The following AKAP9 variants were observed in gnomAD, a reference collection of about 807,000 sequenced individuals.
The protein encoded by AKAP9 is A-kinase anchoring protein 9, also known as A-kinase anchor protein 9.
Under a neutral mutation model 488.5 loss-of-function variants are expected in AKAP9, and 311 were observed. That is an observed-to-expected ratio of 0.64 (90% CI 0.58 to 0.70). The LOEUF is 0.70. AKAP9 is among the 30% of genes least tolerant of loss of function. The pLI, the probability that AKAP9 is intolerant of heterozygous loss-of-function variation, is 0.00. For synonymous variants in AKAP9, 1,462 were observed against 1,483.5 expected, an observed-to-expected ratio of 0.99 and a Z score of 0.33; for missense variants, 4,215 against 4,374.5, an observed-to-expected ratio of 0.96 and a Z score of 1.03.
chr7:91,941,040 T>C lies in AKAP9; in HGVS notation c.-60T>C, dbSNP rs530639878. The C allele has an allele frequency of 7.1e-6, 11 of 1,545,558 alleles. 1 individual carries two copies. The Admixed American group carries it at 1.5e-4, about 21-fold the overall frequency. On this transcript the variant is annotated 5_prime_UTR_variant, in exon 1 of 50. Transcript: ENST00000356239. The stretch of plus-strand genomic sequence containing the variant: ...TCCCACCTCCGTCCAAATCGACCTT[T>C]CCTTTCTATCCCCAACCACCCCTCA...
chr7:92,041,979 G>T, intron 18 of AKAP9, 67 bp from the exon 19 acceptor site: 2 of 1,559,770 alleles, frequency 1.3e-6, no homozygotes, highest in Non-Finnish European at 1.8e-6. Context: ...AAAGAAATCT[G>T]CTTAATATTT....
chr7:92,088,165 A>G (rs1378407873), intron 37 of AKAP9, among the ~76,000 whole-genome samples: 1 of 152,186 alleles, frequency 6.6e-6, no homozygotes, highest in African/African-American at 2.4e-5. Flanking sequence ...CCTTGCAGAT[A>G]CCACCTTAAC....
At chr7:92,072,325 G>A (rs577173022) in intron 28 of AKAP9, among the ~76,000 whole-genome samples, 6 of 152,150 alleles carry the variant, frequency 3.9e-5, no homozygotes, top group Non-Finnish European at 5.9e-5. Flanking sequence ...GGAGAGAAAC[G>A]GTAAATGAGT....
chr7:92,010,047 T>C (rs1021026439), intron 8 of AKAP9, among the ~76,000 whole-genome samples: 1 of 152,136 alleles, frequency 6.6e-6, no homozygotes, highest in Non-Finnish European at 1.5e-5. Context: ...CATGCCTAGC[T>C]AAGATTTTTT....
chr7:92,107,783 G>A (rs572730276), intron 48 of AKAP9: 6 of 212,500 alleles, frequency 2.8e-5, no homozygotes, highest in South Asian at 2.1e-4. Context: ...CCCGGGAGGC[G>A]GAGCTGGCAG....
At chr7:92,046,560 T>C (rs1430028109) in intron 21 of AKAP9, among the ~76,000 whole-genome samples, 1 of 152,226 alleles carries the variant, frequency 6.6e-6, no homozygotes, top group African/African-American at 2.4e-5. Context: ...TTTTAAAAAT[T>C]GTTTTTAGTA....
At chr7:92,102,400 C>A (rs368916062) in intron 45 of AKAP9, among the ~76,000 whole-genome samples, 194 bp from the exon 46 acceptor site, 4 of 151,370 alleles carry the variant, frequency 2.6e-5, no homozygotes, top group East Asian at 3.9e-4. Context: ...GAAATTTCAA[C>A]TTTGCTGATA....
chr7:92,105,859 T>G (rs1000347936), intron 47 of AKAP9, 96 bp downstream of exon 47: 5 of 1,132,916 alleles, frequency 4.4e-6, no homozygotes, highest in Non-Finnish European at 6.6e-6. Context: ...TGTGGCCTGT[T>G]AGGAACCAGG....
rs773227815 is a variant in AKAP9 at position 91,992,159 on chromosome 7, T to C, written c.353T>C (p.Val118Ala). 12 of 1,607,618 alleles carry C rather than the reference T, an allele frequency of 7.5e-6. No homozygotes were observed. Among genetic ancestry groups the C allele is most frequent in the Non-Finnish European group, 1.0e-5 (12 of 1,174,244 alleles). ...STTADDCSSE[V>A]NGCSFVMRTG... ...TATCAGGAAATTGTTTTTATACAGG[T>C]AAATGGTTGCAGTTTTGTGATGAGA... Residue 118 changes from valine to alanine, a missense_variant and splice_region_variant, in exon 4 of 50, where the codon GTA becomes GCA. Val to Ala is a moderately conservative substitution (Grantham distance 64). Transcript: ENST00000356239.
At chr7:92,000,644 T>C (rs541483693) in intron 7 of AKAP9, among the ~76,000 whole-genome samples, 1 of 152,344 alleles carries the variant, frequency 6.6e-6, no homozygotes, top group South Asian at 2.1e-4. Flanking sequence ...AAAACTACTG[T>C]AGTGTTTGCT....
rs777896862 is a variant in AKAP9, at chr7:92,105,764, G to T, written c.11416+1G>T. 3 of 1,612,524 alleles carry T rather than the reference G, an allele frequency of 1.9e-6. No homozygotes were observed. On this transcript the variant is annotated splice_donor_variant, in intron 47 of 49. Coordinates refer to ENST00000356239, the MANE Select transcript of AKAP9 (RefSeq NM_005751.5). LOFTEE classifies it high-confidence loss of function. Reference sequence around the variant, plus strand: ...AGAGATGGCTTTGGACTGAATCAAGGTGAAGTCAAAATAGCATATTTTCTT... The same window carrying T: ...AGAGATGGCTTTGGACTGAATCAAGTTGAAGTCAAAATAGCATATTTTCTT...
chr7:91,974,755 G>A (rs1790810204), intron 2 of AKAP9, among the ~76,000 whole-genome samples: 1 of 151,770 alleles, frequency 6.6e-6, no homozygotes, highest in Non-Finnish European at 1.5e-5. Context: ...ATTTATTTAG[G>A]TTTTTAATTT....
chr7:92,070,852 G>C (rs1811618461), intron 27 of AKAP9, 53 bp from the exon 28 acceptor site: 1 of 1,264,790 alleles, frequency 7.9e-7, no homozygotes, highest in Admixed American at 2.2e-5. Flanking sequence ...AAAAAAACTG[G>C]ATAATCAGGA....
rs546024452 is a variant in AKAP9, at chr7:92,095,142, G to C, written c.9698G>C (p.Arg3233Pro). ...GAGAAAGAGAAAGCCAAGTTGGGAC[G>C]CAGTGAAGAACGGGATAAAGAAGAA... ...ALEKEKAKLG[R>P]SEERDKEELE... The change falls in exon 40 of 50, where the codon CGC (arginine) becomes CCC (proline). Residue 3233 changes from arginine to proline, a missense_variant. Physicochemically the swap from Arg to Pro is moderately radical, Grantham distance 103. Around this residue, in one of 5 missense-constraint regions of AKAP9, gnomAD observed 1,476 missense variants for 1,477.4 expected, o/e 1.00. Coordinates refer to ENST00000356239, the MANE Select transcript of AKAP9 (RefSeq NM_005751.5). 1 of 1,614,162 alleles carries C rather than the reference G, an allele frequency of 6.2e-7. No individual in the cohort carries two copies. Among genetic ancestry groups the C allele is most frequent in the Admixed American group, 1.7e-5 (1 of 60,028 alleles).
chr7:92,015,446 C>T (rs1801378066), intron 10 of AKAP9, among the ~76,000 whole-genome samples: 1 of 151,336 alleles, frequency 6.6e-6, no homozygotes, highest in African/African-American at 2.4e-5. Context: ...TTCACTGTGA[C>T]CTCTGCCTCC....
At chr7:91,941,207 A>T in intron 1 of AKAP9, 60 bp downstream of exon 1, 59 of 1,450,552 alleles carry the variant, frequency 4.1e-5, no homozygotes, top group Non-Finnish European at 5.4e-5. Flanking sequence ...ACGGGGTGGG[A>T]GGGGGCCTGG....
chr7:91,973,973 G>A lies in AKAP9; in HGVS notation c.306+5G>A. On this transcript the variant is annotated splice_donor_5th_base_variant and intron_variant, in intron 2 of 49. Coordinates refer to ENST00000356239, the MANE Select transcript of AKAP9 (RefSeq NM_005751.5). ...GAGCAGGGCTTCTCTGTGGAAGTAA[G>A]TATTCTCCCAGATTTTTAATCATTA... The A allele has an allele frequency of 6.2e-7, 1 of 1,613,844 alleles. No individual in the cohort carries two copies. The highest frequency in any genetic ancestry group is 8.5e-7 in the Non-Finnish European group (1 of 1,179,880).
rs1240345219 is a variant in AKAP9 at position 92,032,943 on chromosome 7, C to T, written c.4338+1339C>T. Among the ~76,000 whole-genome samples the T allele has an allele frequency of 4.6e-5, 7 of 152,046 alleles. 1 individual carries two copies. In the South Asian group the frequency reaches 1.0e-3, roughly 23 times the overall value. On this transcript the variant is annotated intron_variant, in intron 16 of 49. Coordinates refer to ENST00000356239, the MANE Select transcript of AKAP9 (RefSeq NM_005751.5). Reference sequence around the variant, plus strand: ...TTCTTTTGGTTTACTAGATTTGTGACCTTAGGAAAGTTACTTAACTTGTGA... The same window carrying T: ...TTCTTTTGGTTTACTAGATTTGTGATCTTAGGAAAGTTACTTAACTTGTGA...
At chr7:92,068,839 G>C (rs1322060214) in intron 26 of AKAP9, among the ~76,000 whole-genome samples, 2 of 151,690 alleles carry the variant, frequency 1.3e-5, no homozygotes, top group Non-Finnish European at 2.9e-5. Context: ...AGAAATAACT[G>C]TCATTTTTTA....
Sources: gnomAD v4.1 joint callset for allele counts (sites outside exome capture counted in the v4.1 genomes callset) on GRCh38, gnomAD v4.1.1 for gene constraint, gnomAD v4.1.1 regional missense constraint, MANE v1.5 for transcripts, NCBI Gene and HGNC (gene_info 2026-07-23, HGNC 2026-07-21) for gene names.